The following EFR3B variants were observed in gnomAD, a reference collection of about 807,000 sequenced individuals.
The protein encoded by EFR3B is EFR3 homolog B.
In EFR3B, 64 loss-of-function variants were observed where a neutral mutation model predicts 104.7. The observed-to-expected ratio is 0.61, with a 90% confidence interval of 0.50 to 0.75. The LOEUF is 0.75. Ranked by LOEUF, EFR3B falls within the 30% of genes least tolerant of loss-of-function variation. The probability of loss-of-function intolerance (pLI) is 0.00; values close to 1 mark genes in which losing one functional copy is unlikely to be tolerated. For synonymous variants in EFR3B, 385 were observed against 417.9 expected (o/e 0.92, Z 0.96); for missense variants, 750 against 1,078.5 (o/e 0.70, Z 4.27).
chr2:25,096,882 C>T (rs970065788), intron 3 of EFR3B, among the ~76,000 whole-genome samples: 1 of 152,118 alleles, frequency 6.6e-6, no homozygotes, highest in African/African-American at 2.4e-5. Context: ...GTGTAAAAAG[C>T]AGGATCCAAA....
chr2:25,132,638 C>G (rs1322999992), intron 10 of EFR3B, among the ~76,000 whole-genome samples: 1 of 151,978 alleles, frequency 6.6e-6, no homozygotes, highest in East Asian at 1.9e-4. Context: ...TTCACCATCC[C>G]CACCCCCTAG....
At chr2:25,152,157 G>A in intron 21 of EFR3B, 137 bp downstream of exon 21, 1 of 815,386 alleles carries the variant, frequency 1.2e-6, no homozygotes, top group South Asian at 1.7e-5. Context: ...CCAGACATCA[G>A]GGCTTGTATT....
In EFR3B at chr2:25,132,828, G is replaced by C. The variant is rs538176005; in HGVS notation, c.1148-75G>C. The C allele has an allele frequency of 5.0e-5, 63 of 1,264,842 alleles. No individual in the cohort carries two copies. The South Asian group carries it at 5.9e-4, about 12-fold the overall frequency. The allele number at this position is 1,264,842 out of a possible 1,614,324, so 78.4% of individuals were successfully genotyped here. A position where few individuals can be genotyped will look rare whatever the true frequency, so the allele number is the denominator to read the frequency against. On this transcript the variant is annotated intron_variant, in intron 10 of 22. Coordinates refer to ENST00000403714, the MANE Select transcript of EFR3B (RefSeq NM_014971.2). ...CGGAGAGAGGCAGCCCTCGCTCTCT[G>C]CAGCTGAAAGGCTGAACCAGGAGGG...
chr2:25,046,506 CTTT>C (rs531667109), intron 1 of EFR3B, among the ~76,000 whole-genome samples: 14 of 119,088 alleles, frequency 1.2e-4, no homozygotes, highest in East Asian at 3.1e-4. Context: ...AGTACAAAGT[CTTT>C]TTTTTTTTTT....
At position 25,130,191 on chromosome 2, in the gene EFR3B, G is replaced by A. The variant is rs920367386; in HGVS notation, c.770+82G>A. ...TCCCTGGCATCTCCTGGCTGGCTGG[G>A]GGGAAGGGGATATTACAGTTGTGGT... On this transcript the variant is annotated intron_variant, in intron 7 of 22. Coordinates refer to ENST00000403714, the MANE Select transcript of EFR3B (RefSeq NM_014971.2). This position sits in a 1 kb window ranked among gnomAD's most constrained non-coding sequence, Gnocchi z 4.6. 3.9e-6 allele frequency: 6 copies of A among 1,535,424 alleles called. No individual in the cohort carries two copies. The African/African-American group carries it at 5.5e-5, about 14-fold the overall frequency.
At chr2:25,132,839 GCTGAAC>G (rs1311621587) in intron 10 of EFR3B, 58 bp from the exon 11 acceptor site, 4 of 1,387,130 alleles carry the variant, frequency 2.9e-6, no homozygotes, top group Admixed American at 2.0e-5. Context: ...CAGCTGAAAG[GCTGAAC>G]CAGGAGGGGC....
intron 16 of EFR3B, 64 bp from the exon 17 acceptor site, chr2:25,141,302 T>C: frequency 6.6e-7 from 1 of 1,519,356 alleles, no homozygotes; most frequent in Non-Finnish European, 8.9e-7. Flanking sequence ...GGGAGCTCTT[T>C]CGTTGCCTGT....
chr2:25,130,612 C>A lies in EFR3B; in HGVS notation c.831C>A (p.Ile277=), dbSNP rs1670301932. The A allele has an allele frequency of 2.6e-6, 4 of 1,551,664 alleles. No homozygotes were observed. The highest frequency in any genetic ancestry group is 3.5e-6 in the Non-Finnish European group (4 of 1,146,968). ...PKVFAIRCFK[I]IMYSIQPQHS... is the part of the protein sequence containing the mutation. ...TGTTTGCCATCCGTTGCTTTAAAAT[C>A]ATCATGTACTCAATTCAGGTATGGT... Residue 277 remains isoleucine, a synonymous_variant, in exon 8 of 23, where the codon ATC becomes ATA. Transcript: ENST00000403714. This position sits in a 1 kb window ranked among gnomAD's most constrained non-coding sequence, Gnocchi z 4.6.
At chr2:25,092,488 T>C (rs1669155956) in intron 2 of EFR3B, among the ~76,000 whole-genome samples, 2 of 152,024 alleles carry the variant, frequency 1.3e-5, no homozygotes, top group African/African-American at 4.8e-5. Flanking sequence ...TATACATTCA[T>C]GTATATATAT....
At chr2:25,074,643 A>C (rs1668587449) in intron 1 of EFR3B, among the ~76,000 whole-genome samples, 2 of 145,582 alleles carry the variant, frequency 1.4e-5, no homozygotes, top group African/African-American at 2.5e-5. Context: ...TTGAGACAAG[A>C]GTTTTGCTGT....
intron 4 of EFR3B, among the ~76,000 whole-genome samples, chr2:25,120,995 G>A (rs188682522): frequency 1.3e-5 from 2 of 151,654 alleles, no homozygotes; most frequent in African/African-American, 2.4e-5. Context: ...TCCACCTCCC[G>A]GGTTCAAGCA....
intron 17 of EFR3B, among the ~76,000 whole-genome samples, chr2:25,142,459 A>C (rs1180126182): frequency 6.7e-6 from 1 of 150,064 alleles, no homozygotes; most frequent in Non-Finnish European, 1.5e-5. Context: ...AAAAAAAAAA[A>C]AAAAAATTAG....
Position 25,084,221 on chromosome 2 carries a change from A to G in EFR3B, c.8-7104A>G, listed in dbSNP as rs138073913. Among the ~76,000 whole-genome samples the G allele has an allele frequency of 5.6e-3, 838 of 149,606 alleles. 6 individuals carry two copies. Among genetic ancestry groups the G allele is most frequent in the African/African-American group, 0.019 (766 of 40,838 alleles). Reference sequence around the variant, plus strand: ...TGAGACAGGTCTCAGTTAATTAATTATTTTTTTTTTAATTTTTATTTATTT... The same window carrying G: ...TGAGACAGGTCTCAGTTAATTAATTGTTTTTTTTTTAATTTTTATTTATTT... On this transcript the variant is annotated intron_variant, in intron 1 of 22. Transcript: ENST00000403714.
chr2:25,141,508 G>A (rs1670665294), intron 17 of EFR3B, 75 bp downstream of exon 17: 18 of 1,488,980 alleles, frequency 1.2e-5, no homozygotes, highest in Admixed American at 2.1e-5. Context: ...CTGAGGTCAG[G>A]AGGGGTCAAT....
In EFR3B at chr2:25,081,302, C is replaced by T. The variant is rs986036070; in HGVS notation, c.8-10023C>T. 4.1e-5 allele frequency: 38 copies of T among 927,912 alleles called. No individual in the cohort carries two copies. In the South Asian group the frequency reaches 4.4e-4, roughly 11 times the overall value. 57.5% of individuals were successfully genotyped at this position (927,912 alleles called of 1,614,324 possible). ...TTCCTCGACCATCAGCTGAAACCTG[C>T]GCCTTCATCTCAACTTCTTTTGAAC... is the stretch of plus-strand genomic sequence containing the variant. On this transcript the variant is annotated intron_variant, in intron 1 of 22. Transcript: ENST00000403714.
At chr2:25,110,709 G>A (rs143095024) in intron 4 of EFR3B, among the ~76,000 whole-genome samples, 229 of 152,242 alleles carry the variant, frequency 1.5e-3, no homozygotes, top group African/African-American at 5.2e-3. Flanking sequence ...AAAAAATTAC[G>A]TTCTCCTGCA....
At position 25,082,955 on chromosome 2, in the gene EFR3B, G is replaced by A. The variant is rs551047597; in HGVS notation, c.8-8370G>A. Among the ~76,000 whole-genome samples, 25 of 152,312 alleles carry A rather than the reference G, an allele frequency of 1.6e-4. 2 individuals carry two copies. The South Asian group carries it at 5.2e-3, about 32-fold the overall frequency. On this transcript the variant is annotated intron_variant, in intron 1 of 22. Transcript: ENST00000403714. The stretch of plus-strand genomic sequence containing the variant: ...AGAGTGGGAGGTCAGAGGACATGGG[G>A]AAGAACATTCTGGACAGGGGGTTTG...
rs1193588913 is a variant in EFR3B, at chr2:25,154,418, A to C, written c.*78A>C. 1.5e-6 allele frequency: 2 copies of C among 1,302,130 alleles called. No individual in the cohort carries two copies. The highest frequency in any genetic ancestry group is 3.0e-5 in the African/African-American group (2 of 67,328). The allele number at this position is 1,302,130 out of a possible 1,614,324, so 80.7% of individuals were successfully genotyped here. On this transcript the variant is annotated 3_prime_UTR_variant, in exon 23 of 23. Transcript: ENST00000403714. This position sits in a 1 kb window ranked among gnomAD's most constrained non-coding sequence, Gnocchi z 4.1. Reference sequence around the variant, plus strand: ...TCACGCCCACCCCGACCACATGGAGATCTGGCTGTGATCTCTGAGAAAACA... The same window carrying C: ...TCACGCCCACCCCGACCACATGGAGCTCTGGCTGTGATCTCTGAGAAAACA...
chr2:25,127,048 C>T (rs1203828919), intron 5 of EFR3B, among the ~76,000 whole-genome samples: 8 of 151,492 alleles, frequency 5.3e-5, no homozygotes, highest in African/African-American at 1.7e-4. Flanking sequence ...AAAAATTAGC[C>T]GGGCATAGTG....
Sources: gnomAD v4.1 joint callset for allele counts (sites outside exome capture counted in the v4.1 genomes callset) on GRCh38, gnomAD v4.1.1 for gene constraint, Gnocchi (gnomAD v3.1) non-coding constraint, MANE v1.5 for transcripts, NCBI Gene and HGNC (gene_info 2026-07-23, HGNC 2026-07-21) for gene names.